The following ATP8B3 variants were observed in gnomAD, a reference collection of about 807,000 sequenced individuals.
ATP8B3 encodes phospholipid-transporting ATPase IK.
A neutral mutation model predicts 140.9 loss-of-function variants in ATP8B3; 141 were observed. That is an observed-to-expected ratio of 1.00 (90% CI 0.87 to 1.15). The LOEUF (loss-of-function observed/expected upper bound fraction) is 1.15. Among genes scored for constraint, ATP8B3 ranks in the 50% most tolerant of loss-of-function variants. The pLI is 0.00. For synonymous variants in ATP8B3, 765 were observed against 714.6 expected (o/e 1.07, Z -1.13); for missense variants, 1,874 against 1,740.6 (o/e 1.08, Z -1.36).
At chr19:1,808,387 G>T in intron 4 of ATP8B3, 52 bp from the exon 5 acceptor site, 1 of 1,429,544 alleles carries the variant, frequency 7.0e-7, no homozygotes, top group Non-Finnish European at 9.8e-7. Context: ...CCAGGCCAGG[G>T]GATGGGGGTG....
chr19:1,797,131 C>T, intron 14 of ATP8B3, 126 bp from the exon 15 acceptor site: 1 of 1,443,296 alleles, frequency 6.9e-7, no homozygotes, highest in Non-Finnish European at 9.5e-7. Context: ...AGGCCTGTGG[C>T]CCTGGAACCG....
rs577438787 is a variant in ATP8B3, at chr19:1,784,944, C to T, written c.3535G>A (p.Ala1179Thr). 157 of 1,608,698 alleles carry T rather than the reference C, an allele frequency of 9.8e-5. No individual in the cohort carries two copies. Among genetic ancestry groups the T allele is most frequent in the South Asian group, 5.8e-4 (52 of 90,296 alleles). ...VSPTTFPFLY[A>T]DLSVMSSPSI... is the part of the protein sequence containing the mutation. ...GGAGAGGACATCACGCTGAGGTCGGCATCTGGGGACAGGGCGGGGTCACAG... is the reference window on the plus strand; with the variant it reads ...GGAGAGGACATCACGCTGAGGTCGGTATCTGGGGACAGGGCGGGGTCACAG... Residue 1179 changes from alanine to threonine, a missense_variant and splice_region_variant, in exon 28 of 29, where the codon GCC (alanine) becomes ACC (threonine). Ala to Thr is a moderately conservative substitution (Grantham distance 58). This residue lies in a region of ATP8B3 where 840 missense variants were observed against 760.9 expected (regional missense o/e 1.10). Transcript: ENST00000310127.
rs1208156300 is a variant in ATP8B3 at position 1,800,766 on chromosome 19, T to C, written c.1153-317A>G. ...TTGAGCCCAGGAGGCTGCAGTGAGA[T>C]ATCATGGCGCCACTGCACTCCATCC... On this transcript the variant is annotated intron_variant, in intron 12 of 28. Transcript: ENST00000310127. This position sits in a 1 kb window ranked among gnomAD's most constrained non-coding sequence, Gnocchi z 4.4. Among the ~76,000 whole-genome samples the C allele has an allele frequency of 2.0e-5, 3 of 151,936 alleles. No individual in the cohort carries two copies. The highest frequency in any genetic ancestry group is 4.4e-5 in the Non-Finnish European group (3 of 67,994).
rs768795540 is a variant in ATP8B3 at position 1,809,681 on chromosome 19, C to G, written c.364G>C (p.Glu122Gln). ...NNRAYNGQFKEKVILCWQRKK... is the reference protein window; with the variant it reads ...NNRAYNGQFKQKVILCWQRKK... ...CTTTGCCAGCACAGGATCACCTTCT[C>G]CTTGAACTGCCCGTTGTAGGCACGG... Residue 122 changes from glutamate to glutamine, a missense_variant, in exon 4 of 29, where the codon GAG becomes CAG. By Grantham distance (29) the Glu-to-Gln change is conservative. Coordinates refer to ENST00000310127, the MANE Select transcript of ATP8B3 (RefSeq NM_138813.4). The G allele has an allele frequency of 3.7e-6, 6 of 1,611,486 alleles. No individual in the cohort carries two copies. The highest frequency in any genetic ancestry group is 4.2e-6 in the Non-Finnish European group (5 of 1,179,176).
Position 1,806,180 on chromosome 19 carries a change from AG to A in ATP8B3, c.678-12del, listed in dbSNP as rs764953964. ...TTCTTCTGCTTGAAGCTGCGGGGAGAGGGGGTTGTGAAGGAGGCCCCTCCCT... is the reference window on the plus strand; with the variant it reads ...TTCTTCTGCTTGAAGCTGCGGGGAGAGGGGTTGTGAAGGAGGCCCCTCCCT... On this transcript the variant is annotated splice_polypyrimidine_tract_variant and intron_variant, in intron 7 of 28. Coordinates refer to ENST00000310127, the MANE Select transcript of ATP8B3 (RefSeq NM_138813.4). This position sits in a 1 kb window ranked among gnomAD's most constrained non-coding sequence, Gnocchi z 5.6. 10 of 1,580,676 alleles carry A rather than the reference AG, an allele frequency of 6.3e-6. No homozygotes were observed. Among genetic ancestry groups the A allele is most frequent in the Admixed American group, 1.8e-5 (1 of 55,350 alleles).
chr19:1,789,427 TGACCAGGGCCAC>T lies in ATP8B3; in HGVS notation c.2767_2778del (p.Val923_Val926del). On this transcript the variant is annotated inframe_deletion, in exon 23 of 29. Transcript: ENST00000310127. ...AGGGTCACCACCTGGTGGTACTTCT[TGACCAGGGCCAC>T]GATCAGGGCCTTCTGCTTGGGCGTC... 6.3e-7 allele frequency: 1 copy of T among 1,598,176 alleles called. No homozygotes were observed. The highest frequency in any genetic ancestry group is 8.5e-7 in the Non-Finnish European group (1 of 1,178,242).
chr19:1,802,458 C>A, intron 11 of ATP8B3, 29 bp downstream of exon 11: 1 of 1,356,804 alleles, frequency 7.4e-7, no homozygotes, highest in Non-Finnish European at 9.7e-7. Flanking sequence ...CAGTACAGCT[C>A]CCACTCCAGG....
At chr19:1,786,964 G>A (rs2068325254) in intron 25 of ATP8B3, 139 bp downstream of exon 25, 1 of 692,574 alleles carries the variant, frequency 1.4e-6, no homozygotes, top group African/African-American at 1.8e-5. Flanking sequence ...GGCAGGGAGA[G>A]GTACTGGACT....
In ATP8B3 at chr19:1,807,775, C is replaced by A. The variant is rs561546747; in HGVS notation, c.516+447G>T. Among the ~76,000 whole-genome samples, 7 of 152,276 alleles carry A rather than the reference C, an allele frequency of 4.6e-5. No homozygotes were observed. Among genetic ancestry groups the A allele is most frequent in the African/African-American group, 1.4e-4 (6 of 41,474 alleles). On this transcript the variant is annotated intron_variant, in intron 5 of 28. Transcript: ENST00000310127. This position sits in a 1 kb window ranked among gnomAD's most constrained non-coding sequence, Gnocchi z 5.9. ...GAGTGTTTGCTCTGAAAACAGCGCC[C>A]CTGGCCGGATGCCGGCCCCACGCTG...
Position 1,782,569 on chromosome 19 carries a change from G to A in ATP8B3, c.*459C>T. 4.9e-6 allele frequency: 1 copy of A among 202,072 alleles called. No individual in the cohort carries two copies. Among genetic ancestry groups the A allele is most frequent in the South Asian group, 1.1e-4 (1 of 8,762 alleles). The allele number at this position is 202,072 out of a possible 1,614,324, so 12.5% of individuals were successfully genotyped here. On this transcript the variant is annotated 3_prime_UTR_variant, in exon 29 of 29. Transcript: ENST00000310127. ...GAGGCTCCTTTTGCCAGCTCTTCCG[G>A]AACGGTGTGGAGGGCTTCAAAAATG...
rs150979319 is a variant in ATP8B3, at chr19:1,811,855, T to C, written c.-119A>G. ...GGGATTGGAGAGTTGGAGAGAATGC[T>C]CAAATGGCCAGAATCCACTCGAAGT... is the stretch of plus-strand genomic sequence containing the variant. On this transcript the variant is annotated 5_prime_UTR_variant, in exon 2 of 29. Coordinates refer to ENST00000310127, the MANE Select transcript of ATP8B3 (RefSeq NM_138813.4). 240 of 1,130,502 alleles carry C rather than the reference T, an allele frequency of 2.1e-4. 3 individuals are homozygous for C. The East Asian group carries it at 5.8e-3, about 27-fold the overall frequency. The allele number at this position is 1,130,502 out of a possible 1,614,324, so 70.0% of individuals were successfully genotyped here.
chr19:1,805,993 G>A lies in ATP8B3; in HGVS notation c.751-35C>T, dbSNP rs2069002399. 6.2e-7 allele frequency: 1 copy of A among 1,611,720 alleles called. No individual in the cohort carries two copies. Among genetic ancestry groups the A allele is most frequent in the Non-Finnish European group, 8.5e-7 (1 of 1,179,512 alleles). ...AGTGGGGGGCAGCGTTGCAAGAGGG[G>A]ATGCAAGACAAATTGGGGGTGCGGC... On this transcript the variant is annotated intron_variant, in intron 8 of 28. Transcript: ENST00000310127. This position sits in a 1 kb window ranked among gnomAD's most constrained non-coding sequence, Gnocchi z 5.2.
Position 1,789,498 on chromosome 19 carries a change from G to A in ATP8B3, c.2708C>T (p.Ala903Val), listed in dbSNP as rs770778316. 8.1e-6 allele frequency: 13 copies of A among 1,597,866 alleles called. No individual in the cohort carries two copies. The South Asian group carries it at 8.8e-5, about 11-fold the overall frequency. ...GCAGATGACCGCCTGGCACTTGGAC[G>A]CCAGGTCCACGAAGGCGCGCTCCTG... Reference protein sequence around the residue: ...VLQERAFVDLASKCQAVICCR... With the variant: ...VLQERAFVDLVSKCQAVICCR... Residue 903 changes from alanine to valine, a missense_variant, in exon 23 of 29, where the codon GCG becomes GTG. Physicochemically the swap from Ala to Val is moderately conservative, Grantham distance 64. Transcript: ENST00000310127.
rs951164439 is a variant in ATP8B3 at position 1,794,898 on chromosome 19, C to T, written c.2055+977G>A. Among the ~76,000 whole-genome samples, 4 of 152,196 alleles carry T rather than the reference C, an allele frequency of 2.6e-5. No individual in the cohort carries two copies. Among genetic ancestry groups the T allele is most frequent in the East Asian group, 1.9e-4 (1 of 5,194 alleles). ...ACAGAGTGGGAAGCTTTGGAGCAGACGGAGCTGAGTGTGTCCTGGCAGCTG... is the reference window on the plus strand; with the variant it reads ...ACAGAGTGGGAAGCTTTGGAGCAGATGGAGCTGAGTGTGTCCTGGCAGCTG... On this transcript the variant is annotated intron_variant, in intron 18 of 28. Transcript: ENST00000310127. This position sits in a 1 kb window ranked among gnomAD's most constrained non-coding sequence, Gnocchi z 4.8.
At chr19:1,788,523 G>A (rs1037126719) in intron 24 of ATP8B3, among the ~76,000 whole-genome samples, 8 of 152,118 alleles carry the variant, frequency 5.3e-5, no homozygotes, top group Non-Finnish European at 1.0e-4. Context: ...GATGGTACAC[G>A]CCTGTAATCC....
At chr19:1,796,516 G>T (rs1244202948) in intron 16 of ATP8B3, among the ~76,000 whole-genome samples, 195 bp downstream of exon 16, 2 of 152,218 alleles carry the variant, frequency 1.3e-5, no homozygotes, top group East Asian at 3.8e-4. Flanking sequence ...CCGCCCTCCC[G>T]CCACGATGCT....
intron 21 of ATP8B3, 147 bp from the exon 22 acceptor site, chr19:1,790,136 TTCC>T (rs1166338680): frequency 3.3e-5 from 15 of 454,632 alleles, no homozygotes; most frequent in Non-Finnish European, 5.8e-5. Context: ...CCCCTCCCCT[TTCC>T]TCCTCCTCCC....
chr19:1,785,058 A>C (rs1410364686), intron 27 of ATP8B3, 101 bp downstream of exon 27: 1 of 1,488,650 alleles, frequency 6.7e-7, no homozygotes, highest in Non-Finnish European at 8.9e-7. Context: ...CGCCTTCCCC[A>C]GGACACTTTG....
chr19:1,783,108 CT>C lies in ATP8B3; in HGVS notation c.3822del (p.Val1276SerfsTer5), dbSNP rs780144519. 60 of 1,613,594 alleles carry C rather than the reference CT, an allele frequency of 3.7e-5. No individual in the cohort carries two copies. Among genetic ancestry groups the C allele is most frequent in the Middle Eastern group, 1.6e-4 (1 of 6,062 alleles). On this transcript the variant is annotated frameshift_variant, in exon 29 of 29. Transcript: ENST00000310127. LOFTEE classifies it low-confidence loss of function (END_TRUNC). ...ITQGTILRRG[P>X]GVSSDIASES... ...TCAGATGCTATGTCACTGCTGACCC[CT>C]GGTCCCCTCCGCAGAATTGTGCCCT... is the stretch of plus-strand genomic sequence containing the variant.
Sources: gnomAD v4.1 joint callset for allele counts (sites outside exome capture counted in the v4.1 genomes callset) on GRCh38, gnomAD v4.1.1 for gene constraint, gnomAD v4.1.1 regional missense constraint, Gnocchi (gnomAD v3.1) non-coding constraint, MANE v1.5 for transcripts, NCBI Gene and HGNC (gene_info 2026-07-23, HGNC 2026-07-21) for gene names.